Variants in NAV2 observed in about 807,000 individuals in gnomAD.
NAV2 encodes neuron navigator 2, also known as helicase, APC down-regulated 1.
Under a neutral mutation model 223.2 loss-of-function variants are expected in NAV2, and 54 were observed. The observed-to-expected ratio is 0.24, with a 90% CI of 0.19 to 0.30. NAV2 has a LOEUF of 0.30. Ranked by LOEUF, NAV2 falls within the 10% of genes least tolerant of loss-of-function variation. NAV2 has a pLI of 1.00. For missense variants in NAV2, 2,806 were observed against 3,147.5 expected, an observed-to-expected ratio of 0.89 and a Z score of 2.60; for synonymous variants, 1,279 against 1,239.3, an observed-to-expected ratio of 1.03 and a Z score of -0.67.
At chr11:19,574,033 G>C (rs2045501023) in intron 1 of NAV2, among the ~76,000 whole-genome samples, 1 of 152,194 alleles carries the variant, frequency 6.6e-6, no homozygotes, top group Non-Finnish European at 1.5e-5. Context: ...TGCAAGGCAG[G>C]GCCAAACCAG....
chr11:19,688,287 G>A (rs916655036), intron 1 of NAV2, among the ~76,000 whole-genome samples: 2 of 152,202 alleles, frequency 1.3e-5, no homozygotes, highest in South Asian at 2.1e-4. Context: ...AGGAGAAAGT[G>A]TAATGCTTAG....
chr11:19,779,343 T>C (rs983958428), intron 1 of NAV2, among the ~76,000 whole-genome samples: 2 of 152,184 alleles, frequency 1.3e-5, no homozygotes, highest in East Asian at 3.8e-4. Context: ...CATGACTGGG[T>C]CTTGGCGTCC....
intron 1 of NAV2, among the ~76,000 whole-genome samples, chr11:19,605,977 G>A (rs1422308319): frequency 2.0e-5 from 3 of 152,186 alleles, no homozygotes; most frequent in African/African-American, 7.2e-5. Flanking sequence ...GAATCATACC[G>A]TTTCAGACGG....
chr11:19,971,179 TTTTTGAGTAGGACACAC>T (rs1048018372), intron 10 of NAV2, among the ~76,000 whole-genome samples: 2 of 151,438 alleles, frequency 1.3e-5, no homozygotes, highest in African/African-American at 4.9e-5. Flanking sequence ...CACAGGCACG[TTTTTGAGTAGGACACAC>T]TTTTGCCAAC....
At chr11:20,022,410 GA>G (rs1179599830) in intron 11 of NAV2, 1 of 313,430 alleles carries the variant, frequency 3.2e-6, no homozygotes, top group Non-Finnish European at 4.6e-6. Flanking sequence ...TTTTTCTTTT[GA>G]AATAAGTAGC....
At chr11:19,357,940 A>G (rs536869220) in intron 1 of NAV2, among the ~76,000 whole-genome samples, 3 of 151,988 alleles carry the variant, frequency 2.0e-5, no homozygotes, top group Non-Finnish European at 4.4e-5. Context: ...CATTTGATCC[A>G]CTCTGTGGCA....
chr11:19,379,931 T>G (rs1848778725), intron 1 of NAV2, among the ~76,000 whole-genome samples: 1 of 152,124 alleles, frequency 6.6e-6, no homozygotes, highest in African/African-American at 2.4e-5. Context: ...AAAACAGATT[T>G]AATTAACATC....
chr11:19,782,120 G>A (rs1017074198), intron 1 of NAV2, among the ~76,000 whole-genome samples: 1 of 152,116 alleles, frequency 6.6e-6, no homozygotes, highest in Non-Finnish European at 1.5e-5. Context: ...CTGAAGTCAT[G>A]TCCATTTTCT....
At chr11:19,974,675 A>G (rs1042800814) in intron 10 of NAV2, among the ~76,000 whole-genome samples, 1 of 152,210 alleles carries the variant, frequency 6.6e-6, no homozygotes, top group Non-Finnish European at 1.5e-5. Context: ...GCTGCTCAGG[A>G]GGCTGAGACG....
intron 1 of NAV2, among the ~76,000 whole-genome samples, chr11:19,679,185 CTT>C (rs1256681421): frequency 1.3e-5 from 2 of 152,332 alleles, no homozygotes; most frequent in Non-Finnish European, 2.9e-5. Flanking sequence ...AATCCAAACA[CTT>C]TGGGAGGCTG....
At chr11:19,654,189 G>A (rs1177820003) in intron 1 of NAV2, among the ~76,000 whole-genome samples, 1 of 152,158 alleles carries the variant, frequency 6.6e-6, no homozygotes, top group Non-Finnish European at 1.5e-5. Context: ...TACAAGGGAT[G>A]TGAAGGACCT....
intron 5 of NAV2, 117 bp from the exon 6 acceptor site, chr11:19,892,317 C>G (rs2041569493): frequency 2.1e-6 from 2 of 969,586 alleles, no homozygotes; most frequent in African/African-American, 3.3e-5. Context: ...ACTGGCAAAC[C>G]TCCACACAAT....
chr11:19,458,276 T>A (rs916950401), intron 1 of NAV2, among the ~76,000 whole-genome samples: 3 of 152,202 alleles, frequency 2.0e-5, no homozygotes, highest in African/African-American at 7.2e-5. Context: ...GTGCTTGTGC[T>A]GGGTGACCAG....
intron 10 of NAV2, among the ~76,000 whole-genome samples, chr11:19,962,628 C>G (rs1203486544): frequency 6.6e-6 from 1 of 152,212 alleles, no homozygotes; most frequent in Non-Finnish European, 1.5e-5. Context: ...CCTTCGTCCC[C>G]TGGGTCCTGG....
chr11:19,949,155 A>G lies in NAV2; in HGVS notation c.2645+75A>G, dbSNP rs189245732. ...CCTGGCTTCTCTTTTGTAGGGCTCTATTTGATTCTTCTGGAGGAGGTCAAA... is the reference window on the plus strand; with the variant it reads ...CCTGGCTTCTCTTTTGTAGGGCTCTGTTTGATTCTTCTGGAGGAGGTCAAA... On this transcript the variant is annotated intron_variant, in intron 10 of 37. Coordinates refer to ENST00000349880, the MANE Select transcript of NAV2 (RefSeq NM_145117.5). 3.4e-6 allele frequency: 5 copies of G among 1,471,738 alleles called. No homozygotes were observed. In the African/African-American group the frequency reaches 5.7e-5, roughly 17 times the overall value. The allele number at this position is 1,471,738 out of a possible 1,614,324, so 91.2% of individuals were successfully genotyped here. A position where few individuals can be genotyped will look rare whatever the true frequency, so the allele number is the denominator to read the frequency against.
chr11:19,580,758 G>T (rs2135017043), intron 1 of NAV2, among the ~76,000 whole-genome samples: 1 of 152,204 alleles, frequency 6.6e-6, no homozygotes, highest in South Asian at 2.1e-4. Flanking sequence ...CTTGAACATT[G>T]TCTTCATGGG....
chr11:19,701,422 C>T (rs1415488372), intron 1 of NAV2, among the ~76,000 whole-genome samples: 1 of 152,130 alleles, frequency 6.6e-6, no homozygotes, highest in East Asian at 1.9e-4. Flanking sequence ...TGTGGTACCC[C>T]TTGGGAAGGA....
At chr11:19,813,906 G>A (rs7120595) in intron 1 of NAV2, among the ~76,000 whole-genome samples, 4,189 of 152,212 alleles carry the variant, frequency 0.028, 177 homozygotes, top group African/African-American at 0.096. Flanking sequence ...AGACAATGAA[G>A]TTTATTTGAA....
intron 1 of NAV2, among the ~76,000 whole-genome samples, chr11:19,621,492 A>G (rs1461259821): frequency 6.6e-6 from 1 of 152,180 alleles, no homozygotes; most frequent in African/African-American, 2.4e-5. Context: ...GGGAGAGTGT[A>G]TGTATCGAGG....
Sources: gnomAD v4.1 joint callset for allele counts (sites outside exome capture counted in the v4.1 genomes callset) on GRCh38, gnomAD v4.1.1 for gene constraint, MANE v1.5 for transcripts, NCBI Gene and HGNC (gene_info 2026-07-23, HGNC 2026-07-21) for gene names.